Variants in ZNF362 observed in about 807,000 individuals in gnomAD.
ZNF362 encodes the protein zinc finger protein 362.
ZNF362 carries 11 observed loss-of-function variants against 42.9 expected under a neutral mutation model. The ratio of observed to expected loss-of-function variants is 0.26; its 90% CI spans 0.16 to 0.42. ZNF362 has a LOEUF of 0.42. Ranked by LOEUF, ZNF362 falls within the 20% of genes least tolerant of loss-of-function variation. ZNF362 has a pLI of 1.00. For synonymous variants in ZNF362, 255 were observed against 257.3 expected (o/e 0.99, Z 0.09); for missense variants, 362 against 576.2 (o/e 0.63, Z 3.81).
At chr1:33,213,603 T>C in the ZNF362 span, among the ~76,000 whole-genome samples, 12 of 152,010 alleles carry the variant, frequency 7.9e-5, no homozygotes, top group Non-Finnish European at 1.5e-4. Context: ...TCCAAGCACT[T>C]TGGGAGGCCG....
chr1:33,295,685 C>T (rs573216140), intron 8 of ZNF362, among the ~76,000 whole-genome samples: 1 of 152,150 alleles, frequency 6.6e-6, no homozygotes, highest in Non-Finnish European at 1.5e-5. Flanking sequence ...GTGACATGGC[C>T]CATAGCCACC....
chr1:33,193,674 G>A, the ZNF362 span, among the ~76,000 whole-genome samples: 1 of 152,118 alleles, frequency 6.6e-6, no homozygotes, highest in Admixed American at 6.6e-5. Flanking sequence ...TAGATGGGAC[G>A]CAAATGTGAT....
intron 6 of ZNF362, among the ~76,000 whole-genome samples, chr1:33,283,138 A>AT (rs760298506): frequency 1.2e-4 from 18 of 151,968 alleles, no homozygotes; most frequent in Admixed American, 3.9e-4. Context: ...GAAGGGCTCT[A>AT]TTTTTTTGAG....
chr1:33,217,542 C>A, the ZNF362 span, among the ~76,000 whole-genome samples: 1 of 152,204 alleles, frequency 6.6e-6, no homozygotes, highest in Non-Finnish European at 1.5e-5. Context: ...GCAGGGCCAC[C>A]CCCATCCTAC....
At chr1:33,298,091 G>C (rs1229132488) in intron 8 of ZNF362, among the ~76,000 whole-genome samples, 1 of 152,168 alleles carries the variant, frequency 6.6e-6, no homozygotes, top group Non-Finnish European at 1.5e-5. Context: ...TTCTGGCAAA[G>C]GCGATTGGAA....
chr1:33,298,900 C>A, intron 8 of ZNF362, 30 bp from the exon 9 acceptor site: 1 of 1,590,032 alleles, frequency 6.3e-7, no homozygotes, highest in Non-Finnish European at 8.6e-7. Flanking sequence ...GCTGGTGGTT[C>A]CCTGTTCTGA....
intron 4 of ZNF362, among the ~76,000 whole-genome samples, chr1:33,277,538 C>A (rs1292183766): frequency 6.6e-6 from 1 of 152,182 alleles, no homozygotes; most frequent in African/African-American, 2.4e-5. Context: ...AAAACCGAGT[C>A]TGGCTGCTAG....
At chr1:33,241,422 G>A in the ZNF362 span, among the ~76,000 whole-genome samples, 4 of 151,662 alleles carry the variant, frequency 2.6e-5, no homozygotes, top group Non-Finnish European at 5.9e-5. Context: ...TTCTACCTGT[G>A]GGGGAGGAGG....
rs765692795 is a variant in ZNF362, at chr1:33,294,395, C to T, written c.909-542C>T. ...TCAGGAAGGACACAGAGGGGCTGAG[C>T]TTCAGGGCCATGCTGTCCCACATTC... On this transcript the variant is annotated intron_variant, in intron 6 of 8. Coordinates refer to ENST00000539719, the MANE Select transcript of ZNF362 (RefSeq NM_152493.3). This position sits in a 1 kb window ranked among gnomAD's most constrained non-coding sequence, Gnocchi z 4.2. Among the ~76,000 whole-genome samples, 1 of 152,170 alleles carries T rather than the reference C, an allele frequency of 6.6e-6. No individual in the cohort carries two copies. The highest frequency in any genetic ancestry group is 2.4e-5 in the African/African-American group (1 of 41,432).
chr1:33,151,107 A>G, the ZNF362 span, among the ~76,000 whole-genome samples: 1 of 152,004 alleles, frequency 6.6e-6, no homozygotes, highest in Non-Finnish European at 1.5e-5. Context: ...GCCACTGATG[A>G]GTGGGAGGGC....
chr1:33,284,083 C>T (rs1025892906), intron 6 of ZNF362, among the ~76,000 whole-genome samples: 5 of 152,258 alleles, frequency 3.3e-5, no homozygotes, highest in African/African-American at 1.2e-4. Flanking sequence ...CAATTCACCT[C>T]TGCCAGATTG....
At chr1:33,263,327 G>C (rs1645841762) in intron 1 of ZNF362, among the ~76,000 whole-genome samples, 1 of 152,170 alleles carries the variant, frequency 6.6e-6, no homozygotes, top group East Asian at 1.9e-4. Flanking sequence ...TAGATGCTGA[G>C]GATAGATGGG....
At position 33,295,343 on chromosome 1, in the gene ZNF362, C is replaced by T. The variant is rs1470768777; in HGVS notation, c.1146+38C>T. 6.9e-6 allele frequency: 11 copies of T among 1,601,272 alleles called. No individual in the cohort carries two copies. The Admixed American group carries it at 1.9e-4, about 27-fold the overall frequency. ...CGGCCTGTGCCCTGCCCCGGGGGAG[C>T]CACTTCGTCTTCCAGGCCTCAGTTG... On this transcript the variant is annotated intron_variant, in intron 8 of 8. Coordinates refer to ENST00000539719, the MANE Select transcript of ZNF362 (RefSeq NM_152493.3).
At chr1:33,156,429 G>C in the ZNF362 span, among the ~76,000 whole-genome samples, 34 of 152,166 alleles carry the variant, frequency 2.2e-4, no homozygotes, top group Non-Finnish European at 4.1e-4. Context: ...GTTCTCCCAT[G>C]CTTGGCTCAG....
chr1:33,286,389 CA>C (rs555431765), intron 6 of ZNF362, among the ~76,000 whole-genome samples: 5 of 145,492 alleles, frequency 3.4e-5, no homozygotes, highest in African/African-American at 5.1e-5. Flanking sequence ...AGAACATGAC[CA>C]AAAAAAAAGC....
chr1:33,288,722 C>T (rs1345355847), intron 6 of ZNF362, among the ~76,000 whole-genome samples: 3 of 92,930 alleles, frequency 3.2e-5, no homozygotes. Context: ...CCAGCCTCGG[C>T]GATAGAGCGA....
At chr1:33,129,069 G>C in the ZNF362 span, among the ~76,000 whole-genome samples, 1 of 152,170 alleles carries the variant, frequency 6.6e-6, no homozygotes, top group African/African-American at 2.4e-5. This position sits in a 1 kb window ranked among gnomAD's most constrained non-coding sequence, Gnocchi z 4.1. Context: ...GAGCATTCCA[G>C]ACCAGGGCAC....
At chr1:33,153,450 T>A in the ZNF362 span, among the ~76,000 whole-genome samples, 1 of 152,166 alleles carries the variant, frequency 6.6e-6, no homozygotes, top group African/African-American at 2.4e-5. Flanking sequence ...TCCAGAGACA[T>A]TTTTGGTTGT....
chr1:33,143,504 G>A, the ZNF362 span, among the ~76,000 whole-genome samples: 1,648 of 152,268 alleles, frequency 0.011, 24 homozygotes, highest in African/African-American at 0.036. Flanking sequence ...TCACTTCCCT[G>A]TGAACTGGGC....
Sources: gnomAD v4.1 joint callset for allele counts (sites outside exome capture counted in the v4.1 genomes callset) on GRCh38, gnomAD v4.1.1 for gene constraint, Gnocchi (gnomAD v3.1) non-coding constraint, MANE v1.5 for transcripts, NCBI Gene and HGNC (gene_info 2026-07-23, HGNC 2026-07-21) for gene names.